The following TMEM205 variants were observed in gnomAD, a reference collection of about 807,000 sequenced individuals.
TMEM205 encodes the protein MBC3205.
In TMEM205, 11 loss-of-function variants were observed where a neutral mutation model predicts 17.9. The observed-to-expected ratio is 0.61, with a 90% CI of 0.39 to 1.02. TMEM205 has a LOEUF of 1.02. TMEM205 is among the 50% of genes least tolerant of loss of function. The pLI is 0.01. For missense variants in TMEM205, 236 were observed against 239.4 expected (o/e 0.99, Z 0.09); for synonymous variants, 86 against 97.4 (o/e 0.88, Z 0.69).
At chr19:11,343,186 C>T in intron 2 of TMEM205, 66 bp from the exon 3 acceptor site, 20 of 1,175,536 alleles carry the variant, frequency 1.7e-5, no homozygotes, top group Non-Finnish European at 2.0e-5. Flanking sequence ...TAGGGAGGGT[C>T]TTTCTGCATC....
chr19:11,343,121 C>T lies in TMEM205; in HGVS notation c.265-1G>A. On this transcript the variant is annotated splice_acceptor_variant, in intron 2 of 2. Transcript: ENST00000354882. LOFTEE classifies it high-confidence loss of function. ...TAAGGCTCAGGAACAGCAGGTAAAGCTGGCAGGGAGAGCAGAGGAGAAGGT... is the reference window on the plus strand; with the variant it reads ...TAAGGCTCAGGAACAGCAGGTAAAGTTGGCAGGGAGAGCAGAGGAGAAGGT... 6.2e-7 allele frequency: 1 copy of T among 1,606,418 alleles called. No homozygotes were observed.
In TMEM205 at chr19:11,345,959, C is replaced by T. The variant is rs759695770; in HGVS notation, c.-340G>A. The T allele has an allele frequency of 3.4e-6, 1 of 292,356 alleles. No individual in the cohort carries two copies. Among genetic ancestry groups the T allele is most frequent in the Non-Finnish European group, 6.6e-6 (1 of 152,356 alleles). 18.1% of individuals were successfully genotyped at this position (292,356 alleles called of 1,614,324 possible). On this transcript the variant is annotated 5_prime_UTR_variant, in exon 1 of 3. Transcript: ENST00000354882. ...CTCCACTAATTCCCAAATATCACCC[C>T]AGGGATCCAGTTCTGACAGCCAAGA...
In TMEM205 at chr19:11,345,673, A is replaced by G; in HGVS notation, c.-54T>C. 1.9e-6 allele frequency: 3 copies of G among 1,608,350 alleles called. No homozygotes were observed. The highest frequency in any genetic ancestry group is 2.5e-6 in the Non-Finnish European group (3 of 1,177,572). ...TGGCTCAGAACTTTACCTTTGCCTC[A>G]TGCGTGGCCTTCAGACCCTGTGAGC... On this transcript the variant is annotated 5_prime_UTR_variant, in exon 1 of 3. It removes an upstream start codon present in the reference 5' UTR. Coordinates refer to ENST00000354882, the MANE Select transcript of TMEM205 (RefSeq NM_198536.3).
intron 2 of TMEM205, among the ~76,000 whole-genome samples, chr19:11,344,125 A>G (rs925931881): frequency 5.9e-5 from 9 of 151,458 alleles, no homozygotes; most frequent in Non-Finnish European, 8.8e-5. Context: ...TTGTATTTTT[A>G]GTAGAGACGG....
In TMEM205 at chr19:11,345,605, C is replaced by T; in HGVS notation, c.15G>A (p.Gly5=). 6.2e-7 allele frequency: 1 copy of T among 1,613,928 alleles called. No homozygotes were observed. The highest frequency in any genetic ancestry group is 1.3e-5 in the African/African-American group (1 of 75,002). ...CCATCTTAATCAGGCCTCCTAGGTT[C>T]CCGCCTTCCTCCATCTTGCAGTCCT... MEEG[G]NLGGLIKMVH... The change falls in exon 1 of 3, where the codon GGG becomes GGA. Residue 5 remains glycine, a synonymous_variant. Transcript: ENST00000354882.
rs959540857 is a variant in TMEM205 at position 11,346,128 on chromosome 19, G to A, written c.-509C>T. ...TCATCCCGAGGACACCGATCCCACC[G>A]TTAGGAACCGGGACCTCAATCCGCA... On this transcript the variant is annotated 5_prime_UTR_variant, in exon 1 of 3. The change creates a new upstream start codon in the 5' untranslated region. Coordinates refer to ENST00000354882, the MANE Select transcript of TMEM205 (RefSeq NM_198536.3). 4.2e-6 allele frequency: 1 copy of A among 238,096 alleles called. No homozygotes were observed. Among genetic ancestry groups the A allele is most frequent in the African/African-American group, 2.4e-5 (1 of 42,138 alleles). The allele number at this position is 238,096 out of a possible 1,614,324, so 14.7% of individuals were successfully genotyped here. A position where few individuals can be genotyped will look rare whatever the true frequency, so the allele number is the denominator to read the frequency against.
Position 11,345,184 on chromosome 19 carries a change from A to G in TMEM205, c.264+68T>C, listed in dbSNP as rs1599369718. Reference sequence around the variant, plus strand: ...TTTTTTCCCCCCCTGGAAAAGGTGTAGCCATAGGCGCTGACTGAGGTCCTG... The same window carrying G: ...TTTTTTCCCCCCCTGGAAAAGGTGTGGCCATAGGCGCTGACTGAGGTCCTG... On this transcript the variant is annotated intron_variant, in intron 2 of 2. Transcript: ENST00000354882. 5 of 1,541,980 alleles carry G rather than the reference A, an allele frequency of 3.2e-6. No individual in the cohort carries two copies. The East Asian group carries it at 1.1e-4, about 35-fold the overall frequency.
upstream of TMEM205, chr19:11,346,296 C>T: frequency 2.2e-6 from 1 of 459,002 alleles, no homozygotes; most frequent in East Asian, 4.5e-5. Flanking sequence ...TCCCGCCTCC[C>T]AGCTGAGCCC....
Position 11,343,050 on chromosome 19 carries a change from G to A in TMEM205, c.335C>T (p.Ala112Val). The A allele has an allele frequency of 6.2e-7, 1 of 1,614,160 alleles. No individual in the cohort carries two copies. Among genetic ancestry groups the A allele is most frequent in the Non-Finnish European group, 8.5e-7 (1 of 1,180,038 alleles). The change falls in exon 3 of 3, where the codon GCT (alanine) becomes GTT (valine). Residue 112 changes from alanine to valine, a missense_variant. Physicochemically the swap from Ala to Val is moderately conservative, Grantham distance 64 (BLOSUM62 0). Transcript: ENST00000354882. ...CACGGTTTGCAGGGCCCACATGGCAGCTGTGGTGCGGGGTTCCAGCCAGCG... is the reference window on the plus strand; with the variant it reads ...CACGGTTTGCAGGGCCCACATGGCAACTGTGGTGCGGGGTTCCAGCCAGCG... ...NARWLEPRTT[A>V]AMWALQTVEK... is the part of the protein sequence containing the mutation.
chr19:11,345,179 G>T, intron 2 of TMEM205, 73 bp downstream of exon 2: 2 of 1,514,464 alleles, frequency 1.3e-6, no homozygotes, highest in Non-Finnish European at 1.8e-6. Flanking sequence ...CCCTGGAAAA[G>T]GTGTAGCCAT....
intron 2 of TMEM205, among the ~76,000 whole-genome samples, 182 bp from the exon 3 acceptor site, chr19:11,343,302 T>C (rs1240350083): frequency 6.6e-6 from 1 of 152,154 alleles, no homozygotes; most frequent in Non-Finnish European, 1.5e-5. Flanking sequence ...ACTCCAGCTC[T>C]TCTACTCTGA....
Position 11,342,833 on chromosome 19 carries a change from C to T in TMEM205, c.552G>A (p.Leu184=). 1 of 1,613,632 alleles carries T rather than the reference C, an allele frequency of 6.2e-7. No homozygotes were observed. The highest frequency in any genetic ancestry group is 8.5e-7 in the Non-Finnish European group (1 of 1,179,638). ...SNGLCLAGLA[L]EIRSL ...GCCCATGCTAGAGGCTCCTTATTTCCAGGGCAAGGCCAGCGAGACAGAGCC... is the reference window on the plus strand; with the variant it reads ...GCCCATGCTAGAGGCTCCTTATTTCTAGGGCAAGGCCAGCGAGACAGAGCC... The change falls in exon 3 of 3, where the codon CTG becomes CTA. Residue 184 remains leucine (L), a synonymous_variant. Transcript: ENST00000354882.
Position 11,342,801 on chromosome 19 carries a change from A to G in TMEM205, c.*14T>C, listed in dbSNP as rs1229083598. On this transcript the variant is annotated 3_prime_UTR_variant, in exon 3 of 3. Transcript: ENST00000354882. The stretch of plus-strand genomic sequence containing the variant: ...CATTTCTGAAGAAGCATTTATTAGC[A>G]TGCAGGGCCCATGCTAGAGGCTCCT... The G allele has an allele frequency of 6.2e-7, 1 of 1,602,470 alleles. No individual in the cohort carries two copies. The highest frequency in any genetic ancestry group is 1.3e-5 in the African/African-American group (1 of 74,158).
At chr19:11,345,144 C>T in intron 2 of TMEM205, 108 bp downstream of exon 2, 3 of 1,259,032 alleles carry the variant, frequency 2.4e-6, no homozygotes, top group Non-Finnish European at 3.3e-6. Context: ...GCGTGAGCCA[C>T]CATGCCTAGC....
chr19:11,343,175 C>G, intron 2 of TMEM205, 55 bp from the exon 3 acceptor site: 1 of 1,466,720 alleles, frequency 6.8e-7, no homozygotes, highest in Non-Finnish European at 9.3e-7. Flanking sequence ...CAGAGGGGCC[C>G]TAGGGAGGGT....
At position 11,345,897 on chromosome 19, in the gene TMEM205, G is replaced by A. The variant is rs1475682728; in HGVS notation, c.-278C>T. The A allele has an allele frequency of 4.5e-6, 2 of 444,932 alleles. No individual in the cohort carries two copies. Among genetic ancestry groups the A allele is most frequent in the Admixed American group, 3.9e-5 (1 of 25,742 alleles). 27.6% of individuals were successfully genotyped at this position (444,932 alleles called of 1,614,324 possible). On this transcript the variant is annotated 5_prime_UTR_variant, in exon 1 of 3. Transcript: ENST00000354882. Reference sequence around the variant, plus strand: ...TCAGAGGCCCCAAATTTCAGCCACAGCAGCTCCAGATCATAGCCCTAGGTC... The same window carrying A: ...TCAGAGGCCCCAAATTTCAGCCACAACAGCTCCAGATCATAGCCCTAGGTC...
intron 2 of TMEM205, 62 bp downstream of exon 2, chr19:11,345,190 A>T: frequency 1.9e-6 from 3 of 1,567,514 alleles, no homozygotes; most frequent in Non-Finnish European, 2.6e-6. Flanking sequence ...GTGTAGCCAT[A>T]GGCGCTGACT....
intron 2 of TMEM205, among the ~76,000 whole-genome samples, chr19:11,343,420 G>T (rs1967018032): frequency 6.6e-6 from 1 of 152,202 alleles, no homozygotes; most frequent in Non-Finnish European, 1.5e-5. Flanking sequence ...CCCAGAGCAG[G>T]ATCTCTTTCC....
chr19:11,345,613 C>T lies in TMEM205; in HGVS notation c.7G>A (p.Glu3Lys), dbSNP rs757845628. ...ATCAGGCCTCCTAGGTTCCCGCCTT[C>T]CTCCATCTTGCAGTCCTGGGAAGGA... ME[E>K]GGNLGGLIKM... The change falls in exon 1 of 3, where the codon GAA becomes AAA. Residue 3 changes from glutamate to lysine, a missense_variant. Transcript: ENST00000354882. 6.2e-6 allele frequency: 10 copies of T among 1,613,938 alleles called. No individual in the cohort carries two copies. The highest frequency in any genetic ancestry group is 4.5e-5 in the East Asian group (2 of 44,866).
Sources: gnomAD v4.1 joint callset for allele counts (sites outside exome capture counted in the v4.1 genomes callset) on GRCh38, gnomAD v4.1.1 for gene constraint, MANE v1.5 for transcripts, NCBI Gene and HGNC (gene_info 2026-07-23, HGNC 2026-07-21) for gene names.